Variants in ANKRD44 observed in about 807,000 individuals in gnomAD.
ANKRD44 encodes ankyrin repeat domain 44.
In ANKRD44, 35 loss-of-function variants were observed where a neutral mutation model predicts 116.0. The observed-to-expected ratio is 0.30, with a 90% CI of 0.23 to 0.40. The LOEUF is 0.40. ANKRD44 is among the 10% of genes least tolerant of loss of function. The pLI is 1.00. For synonymous variants in ANKRD44, 435 were observed against 461.8 expected (o/e 0.94, Z 0.74); for missense variants, 1,014 against 1,242.6 (o/e 0.82, Z 2.77).
At chr2:197,015,364 G>T in intron 17 of ANKRD44, 1 of 564,968 alleles carries the variant, frequency 1.8e-6, no homozygotes, top group Non-Finnish European at 3.2e-6. Flanking sequence ...ATGGAAGACA[G>T]GCAGATTGGA....
At chr2:197,248,459 T>TTATA (rs374995910) in intron 1 of ANKRD44, among the ~76,000 whole-genome samples, 1 of 150,878 alleles carries the variant, frequency 6.6e-6, no homozygotes, top group African/African-American at 2.4e-5. Context: ...ATTAAAAAAA[T>TTATA]TATATATATA....
rs952283288 is a variant in ANKRD44 at position 197,142,980 on chromosome 2, GA to G, written c.190+4046del. On this transcript the variant is annotated intron_variant, in intron 3 of 27. Transcript: ENST00000282272. ...CCTAGCAAGACCCCATCTTAAAAAA[GA>G]AAAAAAAAAAAGTAAATTAAATTAA... Among the ~76,000 whole-genome samples the G allele has an allele frequency of 6.0e-3, 657 of 109,738 alleles. 8 individuals carry two copies. Among genetic ancestry groups the G allele is most frequent in the Admixed American group, 0.027 (310 of 11,418 alleles). 72.0% of individuals were successfully genotyped at this position (109,738 alleles called of 152,430 possible).
chr2:197,090,042 A>C lies in ANKRD44; in HGVS notation c.1101-10T>G. 1.2e-6 allele frequency: 2 copies of C among 1,609,844 alleles called. No homozygotes were observed. The highest frequency in any genetic ancestry group is 1.7e-6 in the Non-Finnish European group (2 of 1,176,200). ...GCTATGGATTCCACACCTGAGGAGT[A>C]AGAAAACAGAGCAACTCACGGCAAC... is the stretch of plus-strand genomic sequence containing the variant. On this transcript the variant is annotated splice_polypyrimidine_tract_variant and intron_variant, in intron 10 of 27. Transcript: ENST00000282272.
In ANKRD44 at chr2:196,989,702, C is replaced by T. The variant is rs570883761; in HGVS notation, c.2924-53G>A. 116 of 1,546,136 alleles carry T rather than the reference C, an allele frequency of 7.5e-5. No homozygotes were observed. In the African/African-American group the frequency reaches 1.3e-3, roughly 18 times the overall value. On this transcript the variant is annotated intron_variant, in intron 27 of 27. Coordinates refer to ENST00000282272, the MANE Select transcript of ANKRD44 (RefSeq NM_001195144.2). Reference sequence around the variant, plus strand: ...TCACTATGTTGATTTCATCATCAAGCAACTGGCAATCGGTTTTACATGCTA... The same window carrying T: ...TCACTATGTTGATTTCATCATCAAGTAACTGGCAATCGGTTTTACATGCTA...
chr2:197,260,700 C>A (rs893774662), intron 1 of ANKRD44, among the ~76,000 whole-genome samples: 2 of 152,044 alleles, frequency 1.3e-5, no homozygotes, highest in African/African-American at 4.8e-5. Context: ...GTCCCACCAA[C>A]AATGTAAAAG....
intron 1 of ANKRD44, among the ~76,000 whole-genome samples, chr2:197,211,844 C>A (rs1037916328): frequency 6.6e-6 from 1 of 151,712 alleles, no homozygotes; most frequent in Non-Finnish European, 1.5e-5. Flanking sequence ...CAGGAGACGA[C>A]GCAGCACAAA....
chr2:197,177,266 G>A (rs530452464), intron 2 of ANKRD44, among the ~76,000 whole-genome samples: 2 of 152,092 alleles, frequency 1.3e-5, no homozygotes, highest in Non-Finnish European at 2.9e-5. Context: ...TTTTTAGCTT[G>A]AGCAAAACTA....
In ANKRD44 at chr2:197,049,939, A is replaced by G. The variant is rs192378144; in HGVS notation, c.1651-24672T>C. Among the ~76,000 whole-genome samples the G allele has an allele frequency of 4.5e-3, 682 of 152,252 alleles. 3 individuals carry two copies. The highest frequency in any genetic ancestry group is 7.0e-3 in the South Asian group (34 of 4,826). On this transcript the variant is annotated intron_variant, in intron 16 of 27. Transcript: ENST00000282272. ...GGCCAAGACACCCCTTGGCCACTGT[A>G]TTAGTCCATTCTCACACTGCTATCA...
chr2:197,044,249 G>GT (rs1470061149), intron 16 of ANKRD44, among the ~76,000 whole-genome samples: 2 of 152,208 alleles, frequency 1.3e-5, no homozygotes, highest in African/African-American at 4.8e-5. Context: ...GATAAACAGA[G>GT]TAAGAACTGG....
intron 9 of ANKRD44, among the ~76,000 whole-genome samples, chr2:197,100,932 T>C (rs1430901695): frequency 1.3e-5 from 2 of 152,190 alleles, no homozygotes; most frequent in Non-Finnish European, 2.9e-5. Context: ...ATTCATTCAT[T>C]TATCTGAGGA....
In ANKRD44 at chr2:196,987,551, T is replaced by C. The variant is rs2075851838; in HGVS notation, c.*2040A>G. The C allele has an allele frequency of 2.0e-6, 2 of 985,330 alleles. No individual in the cohort carries two copies. Among genetic ancestry groups the C allele is most frequent in the African/African-American group, 1.7e-5 (1 of 57,256 alleles). The allele number at this position is 985,330 out of a possible 1,614,324, so 61.0% of individuals were successfully genotyped here. Reference sequence around the variant, plus strand: ...GCAGCAAATCCATTTGATGTTCTTGTTCTAATTTAATAACAAAATGATAAA... The same window carrying C: ...GCAGCAAATCCATTTGATGTTCTTGCTCTAATTTAATAACAAAATGATAAA... On this transcript the variant is annotated 3_prime_UTR_variant, in exon 28 of 28. Coordinates refer to ENST00000282272, the MANE Select transcript of ANKRD44 (RefSeq NM_001195144.2).
At chr2:196,974,534 A>G (rs990718219) in intron 21 of ANKRD44, among the ~76,000 whole-genome samples, 3 of 152,248 alleles carry the variant, frequency 2.0e-5, no homozygotes, top group African/African-American at 7.2e-5. Context: ...TTATAGCTGT[A>G]AACACCTATA....
At chr2:197,124,232 C>CTTT (rs1216599634) in intron 6 of ANKRD44, among the ~76,000 whole-genome samples, 2 of 152,184 alleles carry the variant, frequency 1.3e-5, no homozygotes, top group Non-Finnish European at 2.9e-5. Context: ...AGGATTCACT[C>CTTT]AGACCCACCT....
In ANKRD44 at chr2:196,989,024, C is replaced by G. The variant is rs961887105; in HGVS notation, c.*567G>C. 6.1e-5 allele frequency: 60 copies of G among 985,334 alleles called. No homozygotes were observed. Among genetic ancestry groups the G allele is most frequent in the Non-Finnish European group, 6.7e-5 (56 of 829,976 alleles). The allele number at this position is 985,334 out of a possible 1,614,324, so 61.0% of individuals were successfully genotyped here. A position where few individuals can be genotyped will look rare whatever the true frequency, so the allele number is the denominator to read the frequency against. Reference sequence around the variant, plus strand: ...GCTGAGCAGTAGAAGATGCGTAGCCCTCTCTAACCAACGCGGAAGAACCTG... The same window carrying G: ...GCTGAGCAGTAGAAGATGCGTAGCCGTCTCTAACCAACGCGGAAGAACCTG... On this transcript the variant is annotated 3_prime_UTR_variant, in exon 28 of 28. Coordinates refer to ENST00000282272, the MANE Select transcript of ANKRD44 (RefSeq NM_001195144.2).
At position 197,122,790 on chromosome 2, in the gene ANKRD44, G is replaced by A. The variant is rs776793666; in HGVS notation, c.553C>T (p.His185Tyr). ...ATGAGCAATGCTACAACATCCAAGT[G>A]GCCTTTACAAACAAAGCAGCAGAAA... ...RALHWAAYMG[H>Y]LDVVALLINH... The change falls in exon 7 of 28, where the codon CAC becomes TAC. Residue 185 changes from histidine to tyrosine, a missense_variant and splice_region_variant. Transcript: ENST00000282272. The A allele has an allele frequency of 2.1e-5, 34 of 1,611,984 alleles. No homozygotes were observed. The South Asian group carries it at 2.9e-4, about 14-fold the overall frequency.
At chr2:197,166,600 A>C (rs1164449657) in intron 2 of ANKRD44, among the ~76,000 whole-genome samples, 1 of 152,240 alleles carries the variant, frequency 6.6e-6, no homozygotes, top group African/African-American at 2.4e-5. Context: ...AAGAAGAATC[A>C]CTGACAATGA....
intron 1 of ANKRD44, among the ~76,000 whole-genome samples, chr2:197,196,940 A>G (rs1251699566): frequency 6.6e-6 from 1 of 151,532 alleles, no homozygotes; most frequent in African/African-American, 2.4e-5. Flanking sequence ...AAACGGAGTC[A>G]CCTTCCTGTT....
At chr2:197,299,125 T>A (rs181699825) in intron 1 of ANKRD44, among the ~76,000 whole-genome samples, 1 of 152,184 alleles carries the variant, frequency 6.6e-6, no homozygotes, top group Non-Finnish European at 1.5e-5. Flanking sequence ...TCACTGCAAC[T>A]AGTCTGAATG....
chr2:197,057,476 T>C (rs1292214053), intron 16 of ANKRD44, among the ~76,000 whole-genome samples: 6 of 152,230 alleles, frequency 3.9e-5, no homozygotes, highest in Admixed American at 3.9e-4. Context: ...GCACTGTTTT[T>C]GAATTTTTTT....
Sources: allele counts gnomAD v4.1 joint callset (sites outside exome capture counted in the v4.1 genomes callset), GRCh38; gene constraint gnomAD v4.1.1; transcripts MANE v1.5; gene names NCBI Gene and HGNC (gene_info 2026-07-23, HGNC 2026-07-21).